CDH13: variants seen among roughly 807,000 people sequenced by gnomAD.
The protein encoded by CDH13 is cadherin-13.
CDH13 carries 24 observed loss-of-function variants against 63.8 expected under a neutral mutation model. The observed-to-expected ratio is 0.38, with a 90% CI of 0.27 to 0.53. The LOEUF is 0.53. Ranked by LOEUF, CDH13 falls within the 20% of genes least tolerant of loss-of-function variation. The pLI, the probability that CDH13 is intolerant of heterozygous loss-of-function variation, is 0.85. For missense variants in CDH13, 1,049 were observed against 903.1 expected (o/e 1.16, Z -2.07); for synonymous variants, 503 against 355.3 (o/e 1.42, Z -4.67).
intron 1 of CDH13, among the ~76,000 whole-genome samples, chr16:82,680,917 A>C (rs377236396): frequency 5.4e-4 from 82 of 152,242 alleles, no homozygotes; most frequent in African/African-American, 2.0e-3. Flanking sequence ...TCACTTGCTC[A>C]GTAGCTCCCA....
intron 7 of CDH13, among the ~76,000 whole-genome samples, chr16:83,556,689 T>G (rs1384488465): frequency 6.6e-6 from 1 of 152,170 alleles, no homozygotes; most frequent in African/African-American, 2.4e-5. Context: ...AGAAACTATT[T>G]CCACAACATC....
At chr16:82,988,317 T>A (rs1024964700) in intron 2 of CDH13, among the ~76,000 whole-genome samples, 1 of 152,144 alleles carries the variant, frequency 6.6e-6, no homozygotes, top group Non-Finnish European at 1.5e-5. Context: ...CTTGAGGGAA[T>A]GTTTTTTGTT....
intron 4 of CDH13, among the ~76,000 whole-genome samples, chr16:83,192,511 C>G (rs548224413): frequency 7.9e-5 from 12 of 152,292 alleles, no homozygotes; most frequent in Admixed American, 3.9e-4. Context: ...TCTCCCTCCA[C>G]ATGCTCTGAG....
At chr16:83,477,841 A>T (rs2073646082) in intron 6 of CDH13, among the ~76,000 whole-genome samples, 1 of 152,030 alleles carries the variant, frequency 6.6e-6, no homozygotes, top group Non-Finnish European at 1.5e-5. Flanking sequence ...TTTATTTTTT[A>T]AATTTGAACT....
At chr16:82,731,734 G>A (rs2033413808) in intron 1 of CDH13, among the ~76,000 whole-genome samples, 1 of 152,158 alleles carries the variant, frequency 6.6e-6, no homozygotes, top group Non-Finnish European at 1.5e-5. Flanking sequence ...GAATCAATTG[G>A]CTGTGTGTAC....
intron 10 of CDH13, among the ~76,000 whole-genome samples, chr16:83,693,351 C>G (rs2150895285): frequency 6.6e-6 from 1 of 152,322 alleles, no homozygotes; most frequent in East Asian, 1.9e-4. Flanking sequence ...ATTAAATTAA[C>G]TGATTCGCAT....
intron 8 of CDH13, among the ~76,000 whole-genome samples, chr16:83,669,936 C>T (rs1020757608): frequency 9.9e-5 from 15 of 152,170 alleles, no homozygotes; most frequent in South Asian, 2.1e-4. Flanking sequence ...TTTATGCTTT[C>T]GGCTCAAAGG....
In CDH13 at chr16:82,947,004, CTGTGTGTGTG is replaced by C. The variant is rs3223223; in HGVS notation, c.158-84971_158-84962del. On this transcript the variant is annotated intron_variant, in intron 2 of 13. Transcript: ENST00000567109. ...CCAAAGTCTTTATAAGTGCGCACGC[CTGTGTGTGTG>C]TGTGTGTGTGTGTGTGTGTGTGTGT... is the stretch of plus-strand genomic sequence containing the variant. Among the ~76,000 whole-genome samples the C allele has an allele frequency of 8.0e-4, 108 of 135,010 alleles. 2 individuals are homozygous for C. Among genetic ancestry groups the C allele is most frequent in the East Asian group, 3.5e-3 (15 of 4,330 alleles). The allele number at this position is 135,010 out of a possible 152,430, so 88.6% of individuals were successfully genotyped here.
intron 2 of CDH13, among the ~76,000 whole-genome samples, chr16:82,933,227 G>A (rs1304274837): frequency 6.6e-6 from 1 of 152,098 alleles, no homozygotes; most frequent in Non-Finnish European, 1.5e-5. Context: ...TGGCTGGTGA[G>A]GCCTCAGGAA....
intron 7 of CDH13, among the ~76,000 whole-genome samples, chr16:83,575,074 G>A (rs1904983779): frequency 6.6e-6 from 1 of 152,146 alleles, no homozygotes; most frequent in South Asian, 2.1e-4. Context: ...AAAAATGAAC[G>A]AAGCACTGTG....
chr16:83,634,115 TTCTGTG>T (rs1277537895), intron 8 of CDH13, among the ~76,000 whole-genome samples: 2 of 135,680 alleles, frequency 1.5e-5, no homozygotes, highest in Non-Finnish European at 3.2e-5. Context: ...TTTGTGTGTT[TTCTGTG>T]TGTGTGTGTG....
At chr16:83,619,596 C>T (rs1567809382) in intron 8 of CDH13, among the ~76,000 whole-genome samples, 1 of 152,214 alleles carries the variant, frequency 6.6e-6, no homozygotes, top group African/African-American at 2.4e-5. Context: ...CCGCCGGCAA[C>T]CTTTGTGCTC....
At chr16:82,853,946 G>C (rs1386018937) in intron 1 of CDH13, among the ~76,000 whole-genome samples, 1 of 152,196 alleles carries the variant, frequency 6.6e-6, no homozygotes, top group Non-Finnish European at 1.5e-5. Flanking sequence ...GAAAGGGCTT[G>C]CCTGGTTTTG....
At chr16:82,864,022 A>G (rs1278355310) in intron 2 of CDH13, among the ~76,000 whole-genome samples, 1 of 152,246 alleles carries the variant, frequency 6.6e-6, no homozygotes, top group Non-Finnish European at 1.5e-5. Context: ...TAAACATAAA[A>G]GAAGTAAAGA....
At chr16:83,301,025 G>GTTTTTTTTTTTTTTTTTTTTT (rs3052591) in intron 5 of CDH13, among the ~76,000 whole-genome samples, 1 of 78,756 alleles carries the variant, frequency 1.3e-5, no homozygotes, top group African/African-American at 5.4e-5. Context: ...ACTTTCTGGG[G>GTTTTTTTTTTTTTTTTTTTTT]TTTTTTTTTT....
intron 5 of CDH13, among the ~76,000 whole-genome samples, chr16:83,301,025 G>GTTTTTTTTTTTTTTTTTTTTTTTTTTTT (rs3052591): frequency 1.3e-5 from 1 of 78,756 alleles, no homozygotes; most frequent in African/African-American, 5.4e-5. Flanking sequence ...ACTTTCTGGG[G>GTTTTTTTTTTTTTTTTTTTTTTTTTTTT]TTTTTTTTTT....
chr16:82,667,191 G>A (rs1912690774), intron 1 of CDH13, among the ~76,000 whole-genome samples: 3 of 152,218 alleles, frequency 2.0e-5, no homozygotes, highest in Non-Finnish European at 4.4e-5. Flanking sequence ...TGAAATTTAA[G>A]AGGTTGGCCT....
chr16:82,871,161 G>C (rs2040331023), intron 2 of CDH13, among the ~76,000 whole-genome samples: 1 of 152,236 alleles, frequency 6.6e-6, no homozygotes, highest in Non-Finnish European at 1.5e-5. Flanking sequence ...GCTAAGGGGT[G>C]AGAGGACATG....
chr16:82,751,239 C>G (rs968755731), intron 1 of CDH13, among the ~76,000 whole-genome samples: 2 of 152,170 alleles, frequency 1.3e-5, no homozygotes, highest in African/African-American at 4.8e-5. Context: ...TTGCATAGGG[C>G]CCTGTGCTTA....
Sources: gnomAD v4.1 joint callset for allele counts (sites outside exome capture counted in the v4.1 genomes callset) on GRCh38, gnomAD v4.1.1 for gene constraint, MANE v1.5 for transcripts, NCBI Gene and HGNC (gene_info 2026-07-23, HGNC 2026-07-21) for gene names.